DOP1A: variants seen among roughly 807,000 people sequenced by gnomAD.
DOP1A encodes the protein DOP1 leucine zipper like protein A.
Under a neutral mutation model 267.6 loss-of-function variants are expected in DOP1A, and 90 were observed. The observed-to-expected ratio is 0.34, with a 90% confidence interval of 0.28 to 0.40. The LOEUF (loss-of-function observed/expected upper bound fraction) is 0.40, where lower values mean the gene tolerates loss of function less well. Among genes scored for constraint, DOP1A ranks in the 10% least tolerant of loss-of-function variants. The pLI, the probability that DOP1A is intolerant of heterozygous loss-of-function variation, is 1.00. For synonymous variants in DOP1A, 932 were observed against 999.1 expected (o/e 0.93, Z 1.27); for missense variants, 2,437 against 2,900.4 (o/e 0.84, Z 3.67).
chr6:83,087,141 T>G (rs768474377), intron 1 of DOP1A, among the ~76,000 whole-genome samples: 1 of 152,138 alleles, frequency 6.6e-6, no homozygotes, highest in African/African-American at 2.4e-5. Flanking sequence ...TAGGTGAAGA[T>G]AGGTTACAGA....
At position 83,168,253 on chromosome 6, in the gene DOP1A, T is replaced by C. The variant is rs1562403096; in HGVS notation, c.*86T>C. On this transcript the variant is annotated 3_prime_UTR_variant, in exon 39 of 39. Coordinates refer to ENST00000349129, the MANE Select transcript of DOP1A (RefSeq NM_015018.4). ...GCTCTGCGTTGTATAGTTTTTCCTT[T>C]TTTGTATGTAACAGAACACATTTCA... 2 of 1,472,892 alleles carry C rather than the reference T, an allele frequency of 1.4e-6. No homozygotes were observed. The highest frequency in any genetic ancestry group is 1.5e-5 in the South Asian group (1 of 68,778). 91.2% of individuals were successfully genotyped at this position (1,472,892 alleles called of 1,614,324 possible).
rs781189459 is a variant in DOP1A, at chr6:83,137,791, A to T, written c.3749A>T (p.Asp1250Val). The change falls in exon 21 of 39, where the codon GAC becomes GTC. Residue 1250 changes from aspartate (D) to valine (V), a missense_variant. Transcript: ENST00000349129. ...TCAGGAACCACACACACTCTTCATG[A>T]CTCTTCTGTTGCTTCCATAGAAACC... is the stretch of plus-strand genomic sequence containing the variant. ...CISGTTHTLH[D>V]SSVASIETKS... 6.2e-7 allele frequency: 1 copy of T among 1,613,802 alleles called. No individual in the cohort carries two copies. Among genetic ancestry groups the T allele is most frequent in the Non-Finnish European group, 8.5e-7 (1 of 1,179,856 alleles).
At chr6:83,103,588 A>G (rs888555118) in intron 4 of DOP1A, among the ~76,000 whole-genome samples, 1 of 152,144 alleles carries the variant, frequency 6.6e-6, no homozygotes, top group Non-Finnish European at 1.5e-5. Context: ...CTCCCCACTT[A>G]TTAGGTCTTC....
In DOP1A at chr6:83,113,406, A is replaced by T. The variant is rs770162295; in HGVS notation, c.765A>T (p.Pro255=). The change falls in exon 7 of 39, where the codon CCA becomes CCT. Residue 255 remains proline (P), a synonymous_variant. Coordinates refer to ENST00000349129, the MANE Select transcript of DOP1A (RefSeq NM_015018.4). ...TGGACCTCATACTCTTCTGTTTTCC[A>T]TTCCACATGAGTCAGGTAAAATATT... The part of the protein sequence containing the change: ...STLDLILFCF[P]FHMSQATRPD... 11 of 1,613,642 alleles carry T rather than the reference A, an allele frequency of 6.8e-6. No homozygotes were observed. In the Admixed American group the frequency reaches 1.0e-4, roughly 15 times the overall value.
intron 3 of DOP1A, among the ~76,000 whole-genome samples, 157 bp from the exon 4 acceptor site, chr6:83,100,548 T>A (rs1422632647): frequency 6.6e-6 from 1 of 152,216 alleles, no homozygotes; most frequent in Non-Finnish European, 1.5e-5. Flanking sequence ...TAACATTTCC[T>A]CAGTTTTAAT....
chr6:83,159,312 C>G (rs1243104033), intron 36 of DOP1A, among the ~76,000 whole-genome samples: 1 of 152,084 alleles, frequency 6.6e-6, no homozygotes, highest in African/African-American at 2.4e-5. Flanking sequence ...CTCATCTTTT[C>G]ACCCAGGCTG....
chr6:83,078,901 A>G (rs1767597483), intron 1 of DOP1A, among the ~76,000 whole-genome samples: 1 of 152,150 alleles, frequency 6.6e-6, no homozygotes, highest in African/African-American at 2.4e-5. Context: ...TTCTTTCATG[A>G]TGAGCATTAT....
At chr6:83,101,368 A>G (rs1463997537) in intron 4 of DOP1A, among the ~76,000 whole-genome samples, 1 of 152,220 alleles carries the variant, frequency 6.6e-6, no homozygotes, top group African/African-American at 2.4e-5. Context: ...AATGTAGAAC[A>G]GTCTTTAATG....
intron 38 of DOP1A, among the ~76,000 whole-genome samples, chr6:83,163,830 G>A (rs1784796632): frequency 6.6e-6 from 1 of 151,920 alleles, no homozygotes; most frequent in Admixed American, 6.6e-5. Context: ...ATTATTTAAG[G>A]GGAAAAGTGG....
Position 83,152,314 on chromosome 6 carries a change from G to A in DOP1A, c.6076G>A (p.Ala2026Thr), listed in dbSNP as rs140977723. 2.4e-5 allele frequency: 38 copies of A among 1,568,638 alleles called. No homozygotes were observed. The African/African-American group carries it at 2.8e-4, about 11-fold the overall frequency. ...EDMLSPAMET[A>T]NITPSVYSVH... The stretch of plus-strand genomic sequence containing the variant: ...TATGTTATCACCTGCAATGGAAACC[G>A]CAAACATAACTCCTTCTGTATATAG... The change falls in exon 30 of 39, where the codon GCA (alanine) becomes ACA (threonine). Residue 2026 changes from alanine to threonine, a missense_variant. Ala to Thr is a moderately conservative substitution (Grantham distance 58, BLOSUM62 0). This residue lies in a region of DOP1A where 216 missense variants were observed against 283.3 expected (regional missense o/e 0.76). Coordinates refer to ENST00000349129, the MANE Select transcript of DOP1A (RefSeq NM_015018.4).
intron 15 of DOP1A, among the ~76,000 whole-genome samples, chr6:83,126,551 A>G (rs1777191516): frequency 6.6e-6 from 1 of 152,158 alleles, no homozygotes; most frequent in Non-Finnish European, 1.5e-5. Flanking sequence ...GTAAGTGCAC[A>G]TTTAATTACA....
At chr6:83,133,526 C>G (rs1778395425) in intron 18 of DOP1A, among the ~76,000 whole-genome samples, 1 of 151,962 alleles carries the variant, frequency 6.6e-6, no homozygotes, top group Non-Finnish European at 1.5e-5. Flanking sequence ...TAAAGAAAGA[C>G]TTTAAAAATT....
intron 27 of DOP1A, among the ~76,000 whole-genome samples, chr6:83,149,449 C>T (rs1309136368): frequency 6.6e-6 from 1 of 152,022 alleles, no homozygotes; most frequent in Non-Finnish European, 1.5e-5. Flanking sequence ...CTTTGTGAAA[C>T]AGGAAGGGGA....
At chr6:83,154,137 C>A (rs761105823) in intron 32 of DOP1A, 43 bp from the exon 33 acceptor site, 1 of 1,610,874 alleles carries the variant, frequency 6.2e-7, no homozygotes, top group East Asian at 2.2e-5. Flanking sequence ...TGTTCTTTAA[C>A]AGTAACAACA....
At chr6:83,099,943 C>G (rs1482603969) in intron 3 of DOP1A, among the ~76,000 whole-genome samples, 1 of 152,038 alleles carries the variant, frequency 6.6e-6, no homozygotes, top group African/African-American at 2.4e-5. Flanking sequence ...TGTATTCATT[C>G]TGAGTCTTCA....
At chr6:83,070,281 AAC>A (rs1247598354) in intron 1 of DOP1A, among the ~76,000 whole-genome samples, 2 of 152,218 alleles carry the variant, frequency 1.3e-5, no homozygotes, top group Admixed American at 6.5e-5. Context: ...TGTAATAGTT[AAC>A]AGTTTTTATT....
chr6:83,101,206 C>T lies in DOP1A; in HGVS notation c.320+320C>T, dbSNP rs528948754. On this transcript the variant is annotated intron_variant, in intron 4 of 38. Coordinates refer to ENST00000349129, the MANE Select transcript of DOP1A (RefSeq NM_015018.4). ...AATTTTTTTGTATTTTTAGTAGAGA[C>T]GGGGTTTCACCGTGTTAGCCAGGAT... is the stretch of plus-strand genomic sequence containing the variant. 5.9e-5 allele frequency among the ~76,000 whole-genome samples: 9 copies of T among 152,122 alleles called. No individual in the cohort carries two copies. The East Asian group carries it at 7.8e-4, about 13-fold the overall frequency.
In DOP1A at chr6:83,148,802, A is replaced by G; in HGVS notation, c.5776A>G (p.Ile1926Val). Residue 1926 changes from isoleucine to valine, a missense_variant, in exon 27 of 39, where the codon ATA becomes GTA. Ile to Val is a conservative substitution (Grantham distance 29). Coordinates refer to ENST00000349129, the MANE Select transcript of DOP1A (RefSeq NM_015018.4). Reference protein sequence around the residue: ...NLVDSWASLLILLKDSIQLSL... With the variant: ...NLVDSWASLLVLLKDSIQLSL... ...AGTGGATAGCTGGGCGTCACTGTTGATACTTCTGAAAGACTCTATACAACT... is the reference window on the plus strand; with the variant it reads ...AGTGGATAGCTGGGCGTCACTGTTGGTACTTCTGAAAGACTCTATACAACT... 3.2e-6 allele frequency: 5 copies of G among 1,563,546 alleles called. No homozygotes were observed. Among genetic ancestry groups the G allele is most frequent in the Non-Finnish European group, 4.3e-6 (5 of 1,163,306 alleles).
At chr6:83,102,787 A>G (rs986021760) in intron 4 of DOP1A, among the ~76,000 whole-genome samples, 1 of 152,222 alleles carries the variant, frequency 6.6e-6, no homozygotes, top group Non-Finnish European at 1.5e-5. Flanking sequence ...AGGCTTTAAC[A>G]TGGCTTTGAA....
Sources: gnomAD v4.1 joint callset for allele counts (sites outside exome capture counted in the v4.1 genomes callset) on GRCh38, gnomAD v4.1.1 for gene constraint, gnomAD v4.1.1 regional missense constraint, MANE v1.5 for transcripts, NCBI Gene and HGNC (gene_info 2026-07-23, HGNC 2026-07-21) for gene names.